GNPTAB: variants seen among roughly 807,000 people sequenced by gnomAD.
The protein encoded by GNPTAB is N-acetylglucosamine-1-phosphate transferase subunits alpha and beta.
Under a neutral mutation model 136.6 loss-of-function variants are expected in GNPTAB, and 92 were observed. The observed-to-expected ratio is 0.67, with a 90% confidence interval of 0.57 to 0.80. The LOEUF (loss-of-function observed/expected upper bound fraction) is 0.80. GNPTAB is among the 30% of genes least tolerant of loss of function. The pLI is 0.00. For synonymous variants in GNPTAB, 512 were observed against 535.1 expected (o/e 0.96, Z 0.60); for missense variants, 1,343 against 1,501.8 (o/e 0.89, Z 1.75).
At chr12:101,749,649 A>C (rs528727299) in intron 19 of GNPTAB, among the ~76,000 whole-genome samples, 2 of 152,370 alleles carry the variant, frequency 1.3e-5, no homozygotes, top group South Asian at 4.1e-4. Context: ...ATGCATTATC[A>C]AAAGCAAAGT....
At chr12:101,802,385 CTGAT>C (rs1472184543) in intron 1 of GNPTAB, among the ~76,000 whole-genome samples, 1 of 152,050 alleles carries the variant, frequency 6.6e-6, no homozygotes, top group African/African-American at 2.4e-5. Flanking sequence ...CACCAATTTG[CTGAT>C]TAATTGGACA....
intron 1 of GNPTAB, among the ~76,000 whole-genome samples, chr12:101,804,014 T>A (rs1045117156): frequency 2.0e-5 from 3 of 152,028 alleles, no homozygotes; most frequent in South Asian, 2.1e-4. Context: ...GGAGGATCGC[T>A]TGAGCCTGGA....
chr12:101,768,149 T>C lies in GNPTAB; in HGVS notation c.1296A>G (p.Thr432=), dbSNP rs774032567. 4 of 1,614,190 alleles carry C rather than the reference T, an allele frequency of 2.5e-6. No individual in the cohort carries two copies. The highest frequency in any genetic ancestry group is 1.6e-4 in the Middle Eastern group (1 of 6,062). The change falls in exon 11 of 21, where the codon ACA becomes ACG. Residue 432 remains threonine, a synonymous_variant. Transcript: ENST00000299314. The part of the protein sequence containing the change: ...SHSKGQKVYL[T]WPVPNCAEGC... ...CCTCGGCACAGTTTGGCACAGGCCATGTCAAATAAACCTACGATAAAACCA... is the reference window on the plus strand; with the variant it reads ...CCTCGGCACAGTTTGGCACAGGCCACGTCAAATAAACCTACGATAAAACCA...
At chr12:101,787,822 A>T (rs1868747151) in intron 4 of GNPTAB, among the ~76,000 whole-genome samples, 1 of 151,020 alleles carries the variant, frequency 6.6e-6, no homozygotes, top group Non-Finnish European at 1.5e-5. Context: ...CTGAGGCAGG[A>T]GAATTGCTTG....
chr12:101,803,351 A>C (rs1869749005), intron 1 of GNPTAB, among the ~76,000 whole-genome samples: 1 of 152,222 alleles, frequency 6.6e-6, no homozygotes, highest in Admixed American at 6.5e-5. Flanking sequence ...TCCTCCTATG[A>C]TATTAACCAG....
intron 1 of GNPTAB, among the ~76,000 whole-genome samples, chr12:101,798,284 T>G (rs754695751): frequency 2.2e-4 from 33 of 152,164 alleles, no homozygotes; most frequent in South Asian, 4.1e-4. Flanking sequence ...TTCCCTTCTA[T>G]CTAATCTTTC....
intron 1 of GNPTAB, chr12:101,810,432 T>TACACACACACACAC (rs71438442): frequency 9.3e-6 from 1 of 107,504 alleles, no homozygotes; most frequent in Non-Finnish European, 1.9e-5. Flanking sequence ...TACACACACA[T>TACACACACACACAC]ACACACACAC....
intron 19 of GNPTAB, among the ~76,000 whole-genome samples, chr12:101,751,435 A>C (rs1952817562): frequency 6.6e-6 from 1 of 152,176 alleles, no homozygotes; most frequent in African/African-American, 2.4e-5. Context: ...CATGCCTTTC[A>C]TCTTAGTATT....
At chr12:101,826,973 T>G (rs1026353610) in intron 1 of GNPTAB, among the ~76,000 whole-genome samples, 1 of 144,500 alleles carries the variant, frequency 6.9e-6, no homozygotes, top group Non-Finnish European at 1.5e-5. Context: ...TTTTTTTTTT[T>G]TTTTTGAGAC....
At chr12:101,755,715 C>T (rs1952892038) in intron 18 of GNPTAB, among the ~76,000 whole-genome samples, 1 of 152,172 alleles carries the variant, frequency 6.6e-6, no homozygotes, top group Non-Finnish European at 1.5e-5. Flanking sequence ...CCATGCCTGA[C>T]TTAAAATAAG....
rs910993325 is a variant in GNPTAB, at chr12:101,761,339, C to T, written c.2923G>A (p.Glu975Lys). 6.2e-7 allele frequency: 1 copy of T among 1,613,626 alleles called. No individual in the cohort carries two copies. The highest frequency in any genetic ancestry group is 8.5e-7 in the Non-Finnish European group (1 of 1,179,826). Residue 975 changes from glutamate (E) to lysine (K), a missense_variant, in exon 15 of 21, where the codon GAA becomes AAA. By Grantham distance (56) the Glu-to-Lys change is moderately conservative. Coordinates refer to ENST00000299314, the MANE Select transcript of GNPTAB (RefSeq NM_024312.5). ...VMQELQDMFP[E>K]EFDKTSFHKV... is the part of the protein sequence containing the mutation. The stretch of plus-strand genomic sequence containing the variant: ...TGAAATGACGTCTTGTCAAATTCTT[C>T]AGGGAACCTGTCCAAATATAACATA...
intron 1 of GNPTAB, 85 bp from the exon 2 acceptor site, chr12:101,796,847 G>T: frequency 1.1e-6 from 1 of 931,402 alleles, no homozygotes; most frequent in Non-Finnish European, 1.7e-6. Context: ...CATTAGAATT[G>T]CTAGAGAAAT....
At chr12:101,765,991 A>G (rs1953086446) in intron 12 of GNPTAB, 100 bp downstream of exon 12, 1 of 997,050 alleles carries the variant, frequency 1.0e-6, no homozygotes, top group Non-Finnish European at 1.6e-6. Context: ...AGGGATACAC[A>G]GAGAATCATT....
chr12:101,768,189 T>C (rs1177684853), intron 10 of GNPTAB, 29 bp from the exon 11 acceptor site: 1 of 1,612,556 alleles, frequency 6.2e-7, no homozygotes, highest in Admixed American at 1.7e-5. Flanking sequence ...GAAAATAAAA[T>C]GACTTCTGGC....
intron 10 of GNPTAB, among the ~76,000 whole-genome samples, chr12:101,768,696 A>C (rs1376003001): frequency 6.6e-6 from 1 of 152,206 alleles, no homozygotes; most frequent in Non-Finnish European, 1.5e-5. Context: ...AGAATTAGTG[A>C]TGGGGTACAT....
intron 7 of GNPTAB, chr12:101,778,732 C>T (rs1032006763): frequency 6.6e-6 from 1 of 152,148 alleles, no homozygotes; most frequent in African/African-American, 2.4e-5. Flanking sequence ...CACGGCGAAA[C>T]CCCCTCTCTA....
Position 101,766,277 on chromosome 12 carries a change from G to C in GNPTAB, c.1426C>G (p.Arg476Gly), listed in dbSNP as rs1274583739. 1.2e-6 allele frequency: 2 copies of C among 1,613,506 alleles called. No individual in the cohort carries two copies. The highest frequency in any genetic ancestry group is 1.7e-6 in the Non-Finnish European group (2 of 1,179,678). Residue 476 changes from arginine to glycine, a missense_variant, in exon 12 of 21, where the codon CGC (arginine) becomes GGC (glycine). By Grantham distance (125) the Arg-to-Gly change is moderately radical. Transcript: ENST00000299314. The stretch of plus-strand genomic sequence containing the variant: ...GTACCTCCACCTCCTGCAATATAGC[G>C]ACTCCCTCCACTGTTTCCTGTAGAT... Reference protein sequence around the residue: ...GDCSGNSGGSRYIAGGGGTGS... With the variant: ...GDCSGNSGGSGYIAGGGGTGS...
chr12:101,748,416 T>A (rs562012224), intron 20 of GNPTAB, among the ~76,000 whole-genome samples: 1 of 152,332 alleles, frequency 6.6e-6, no homozygotes, highest in Admixed American at 6.5e-5. Flanking sequence ...GTCAGGTTGG[T>A]AAAGATGCCC....
intron 1 of GNPTAB, among the ~76,000 whole-genome samples, chr12:101,807,139 A>G (rs1458766618): frequency 6.6e-6 from 1 of 152,214 alleles, no homozygotes; most frequent in Non-Finnish European, 1.5e-5. Flanking sequence ...CCAAAAATCA[A>G]TTCATAAAAT....
Sources: allele counts gnomAD v4.1 joint callset (sites outside exome capture counted in the v4.1 genomes callset), GRCh38; gene constraint gnomAD v4.1.1; transcripts MANE v1.5; gene names NCBI Gene and HGNC (gene_info 2026-07-23, HGNC 2026-07-21).